The following AK8 variants were observed in gnomAD, a reference collection of about 807,000 sequenced individuals.
The protein encoded by AK8 is adenylate kinase 8, also known as ATP-AMP transphosphorylase 8.
In AK8, 44 loss-of-function variants were observed where a neutral mutation model predicts 54.6. The ratio of observed to expected loss-of-function variants is 0.81; its 90% CI spans 0.63 to 1.04. AK8 has a LOEUF of 1.04. Ranked by LOEUF, AK8 falls within the 50% of genes least tolerant of loss-of-function variation. The pLI, the probability that AK8 is intolerant of heterozygous loss-of-function variation, is 0.00. For missense variants in AK8, 555 were observed against 613.6 expected, an observed-to-expected ratio of 0.90 and a Z score of 1.01; for synonymous variants, 239 against 245.6, an observed-to-expected ratio of 0.97 and a Z score of 0.25.
chr9:132,852,697 G>T (rs1333900680), intron 5 of AK8, among the ~76,000 whole-genome samples: 1 of 147,452 alleles, frequency 6.8e-6, no homozygotes, highest in Non-Finnish European at 1.5e-5. Context: ...TTGAACTTGG[G>T]AGGCAGAGGT....
chr9:132,732,806 A>G (rs984329266), intron 11 of AK8, among the ~76,000 whole-genome samples: 1 of 152,090 alleles, frequency 6.6e-6, no homozygotes, highest in Admixed American at 6.5e-5. Flanking sequence ...ATGAATATAT[A>G]CACCTCTTCT....
Position 132,727,937 on chromosome 9 carries a change from G to C in AK8, c.1122-403C>G, listed in dbSNP as rs146090990. Among the ~76,000 whole-genome samples the C allele has an allele frequency of 2.3e-4, 35 of 152,270 alleles. No homozygotes were observed. In the East Asian group the frequency reaches 6.2e-3, roughly 27 times the overall value. On this transcript the variant is annotated intron_variant, in intron 11 of 12. Coordinates refer to ENST00000298545, the MANE Select transcript of AK8 (RefSeq NM_152572.3). Reference sequence around the variant, plus strand: ...CTCCTGCTGCCACCTGACCAACCCTGGTGCCTCCCCAGGTCCTGCAGGGCA... The same window carrying C: ...CTCCTGCTGCCACCTGACCAACCCTCGTGCCTCCCCAGGTCCTGCAGGGCA...
At chr9:132,827,097 G>A in intron 7 of AK8, 43 bp from the exon 8 acceptor site, 1 of 1,587,574 alleles carries the variant, frequency 6.3e-7, no homozygotes, top group Non-Finnish European at 8.6e-7. Context: ...CCATGCAGGG[G>A]CCCTGTGGGC....
intron 5 of AK8, among the ~76,000 whole-genome samples, chr9:132,829,610 A>C (rs542604549): frequency 1.3e-5 from 2 of 151,218 alleles, no homozygotes; most frequent in South Asian, 2.1e-4. Context: ...AAAAAAAAAA[A>C]CCCTGGACGA....
chr9:132,812,206 TTGC>T (rs1405381649), intron 10 of AK8, among the ~76,000 whole-genome samples: 1 of 151,546 alleles, frequency 6.6e-6, no homozygotes, highest in East Asian at 1.9e-4. Flanking sequence ...TACTCCGCCA[TTGC>T]TGCTGCTTGC....
chr9:132,750,716 CAG>C (rs1226223008), intron 11 of AK8, among the ~76,000 whole-genome samples: 2 of 152,028 alleles, frequency 1.3e-5, no homozygotes, highest in Non-Finnish European at 2.9e-5. Context: ...AGAGCAACTT[CAG>C]AGAGAAGCTC....
In AK8 at chr9:132,821,738, T is replaced by TG. The variant is rs1378051756; in HGVS notation, c.889+1466_889+1467insC. 4.3e-4 allele frequency among the ~76,000 whole-genome samples: 58 copies of TG among 135,078 alleles called. 1 individual carries two copies. The highest frequency in any genetic ancestry group is 9.2e-4 in the African/African-American group (28 of 30,464). 88.6% of individuals were successfully genotyped at this position (135,078 alleles called of 152,430 possible). A position where few individuals can be genotyped will look rare whatever the true frequency, so the allele number is the denominator to read the frequency against. On this transcript the variant is annotated intron_variant, in intron 9 of 12. Coordinates refer to ENST00000298545, the MANE Select transcript of AK8 (RefSeq NM_152572.3). ...TTGTATGTATATACATATATGTATATTTGTATGTATATACAAATATATACA... is the reference window on the plus strand; with the variant it reads ...TTGTATGTATATACATATATGTATATGTTGTATGTATATACAAATATATACA...
chr9:132,835,373 C>T (rs927965398), intron 5 of AK8, among the ~76,000 whole-genome samples: 14 of 152,152 alleles, frequency 9.2e-5, no homozygotes, highest in African/African-American at 1.2e-4. Context: ...TGGAGGTTCA[C>T]ATTTAGTTCT....
At chr9:132,765,409 G>GA (rs1331915128) in intron 11 of AK8, among the ~76,000 whole-genome samples, 1 of 150,914 alleles carries the variant, frequency 6.6e-6, no homozygotes, top group Non-Finnish European at 1.5e-5. Context: ...CCAACAGAAT[G>GA]AAAGACAGAA....
chr9:132,826,578 C>T lies in AK8; in HGVS notation c.757+276G>A, dbSNP rs1841878162. ...CACCCCATCCCTTGCCTCTCCTCCTCCCGACCCCACGACCACCAAATCTGC... is the reference window on the plus strand; with the variant it reads ...CACCCCATCCCTTGCCTCTCCTCCTTCCGACCCCACGACCACCAAATCTGC... On this transcript the variant is annotated intron_variant, in intron 8 of 12. Coordinates refer to ENST00000298545, the MANE Select transcript of AK8 (RefSeq NM_152572.3). The surrounding 1 kb of genome is among the most constrained non-coding windows in gnomAD (Gnocchi z 4.5). 6.6e-6 allele frequency among the ~76,000 whole-genome samples: 1 copy of T among 152,012 alleles called. No individual in the cohort carries two copies. Among genetic ancestry groups the T allele is most frequent in the Non-Finnish European group, 1.5e-5 (1 of 67,992 alleles).
At chr9:132,866,086 T>C (rs770976899) in intron 3 of AK8, among the ~76,000 whole-genome samples, 8 of 151,890 alleles carry the variant, frequency 5.3e-5, no homozygotes, top group Non-Finnish European at 1.0e-4. Context: ...TAGTCCCAGC[T>C]ACTCGGGAGG....
chr9:132,770,662 C>T lies in AK8; in HGVS notation c.1121+21972G>A, dbSNP rs1344125913. On this transcript the variant is annotated intron_variant, in intron 11 of 12. Coordinates refer to ENST00000298545, the MANE Select transcript of AK8 (RefSeq NM_152572.3). This position sits in a 1 kb window ranked among gnomAD's most constrained non-coding sequence, Gnocchi z 4.3. ...CAGCGCGGTGGGCAGCGGGCTGGGC[C>T]GAGATCGAGACCGGGACAAGGCAGG... Among the ~76,000 whole-genome samples the T allele has an allele frequency of 6.6e-6, 1 of 152,096 alleles. No homozygotes were observed. The highest frequency in any genetic ancestry group is 2.4e-5 in the African/African-American group (1 of 41,436).
At chr9:132,782,349 C>T (rs891696857) in intron 11 of AK8, among the ~76,000 whole-genome samples, 1 of 152,124 alleles carries the variant, frequency 6.6e-6, no homozygotes, top group Admixed American at 6.5e-5. Context: ...GATTGTTCTG[C>T]ATTTTCCCCA....
At chr9:132,763,836 C>T (rs1363870856) in intron 11 of AK8, among the ~76,000 whole-genome samples, 1 of 152,138 alleles carries the variant, frequency 6.6e-6, no homozygotes, top group African/African-American at 2.4e-5. Flanking sequence ...TTTTAACAAT[C>T]CCAAAGCCTA....
At chr9:132,792,516 G>A in intron 11 of AK8, 118 bp downstream of exon 11, 1 of 1,369,254 alleles carries the variant, frequency 7.3e-7, no homozygotes, top group Non-Finnish European at 9.7e-7. Context: ...ATGACCAGGA[G>A]ACATTCCACT....
rs145395479 is a variant in AK8 at position 132,797,358 on chromosome 9, G to A, written c.980-4583C>T. On this transcript the variant is annotated intron_variant, in intron 10 of 12. Transcript: ENST00000298545. ...GGGAACCATTTCCAAAACCCAGGAAGTTCTTTAGTTCCTCAAGCGTTCATG... is the reference window on the plus strand; with the variant it reads ...GGGAACCATTTCCAAAACCCAGGAAATTCTTTAGTTCCTCAAGCGTTCATG... Among the ~76,000 whole-genome samples, 4 of 152,308 alleles carry A rather than the reference G, an allele frequency of 2.6e-5. No individual in the cohort carries two copies. In the East Asian group the frequency reaches 7.7e-4, roughly 29 times the overall value.
At chr9:132,754,825 G>A (rs1189603008) in intron 11 of AK8, among the ~76,000 whole-genome samples, 1 of 147,484 alleles carries the variant, frequency 6.8e-6, no homozygotes, top group Non-Finnish European at 1.5e-5. Flanking sequence ...TTGAGACAGA[G>A]TTTTGCTCTT....
At chr9:132,872,912 C>T (rs2131444649) in intron 2 of AK8, among the ~76,000 whole-genome samples, 1 of 152,266 alleles carries the variant, frequency 6.6e-6, no homozygotes, top group Admixed American at 6.5e-5. Flanking sequence ...CCTGGGTTCA[C>T]ACCATTCTCC....
chr9:132,804,833 A>G (rs1000055535), intron 10 of AK8, among the ~76,000 whole-genome samples: 1 of 152,054 alleles, frequency 6.6e-6, no homozygotes, highest in Non-Finnish European at 1.5e-5. Flanking sequence ...CTCCCTGATC[A>G]TAAGTGTAGA....
Sources: gnomAD v4.1 joint callset for allele counts (sites outside exome capture counted in the v4.1 genomes callset) on GRCh38, gnomAD v4.1.1 for gene constraint, Gnocchi (gnomAD v3.1) non-coding constraint, MANE v1.5 for transcripts, NCBI Gene and HGNC (gene_info 2026-07-23, HGNC 2026-07-21) for gene names.